ABCG1: variants seen among roughly 807,000 people sequenced by gnomAD.
The protein encoded by ABCG1 is ATP binding cassette subfamily G member 1.
ABCG1 carries 29 observed loss-of-function variants against 69.2 expected under a neutral mutation model. That is an observed-to-expected ratio of 0.42 (90% confidence interval 0.31 to 0.57). The LOEUF (loss-of-function observed/expected upper bound fraction) is 0.57, where lower values mean the gene tolerates loss of function less well. ABCG1 is among the 20% of genes least tolerant of loss of function. The probability of loss-of-function intolerance (pLI) is 0.15; values close to 1 mark genes in which losing one functional copy is unlikely to be tolerated. For synonymous variants in ABCG1, 370 were observed against 374.8 expected (o/e 0.99, Z 0.15); for missense variants, 718 against 898.1 (o/e 0.80, Z 2.56).
chr21:42,256,703 A>G, intron 2 of ABCG1: 1 of 1,430,576 alleles, frequency 7.0e-7, no homozygotes, highest in Middle Eastern at 2.6e-4. Flanking sequence ...CTGCATTCAG[A>G]GGGATCTGGG....
chr21:42,234,198 C>G (rs958151123), intron 2 of ABCG1, among the ~76,000 whole-genome samples: 13 of 152,110 alleles, frequency 8.5e-5, no homozygotes, highest in African/African-American at 3.1e-4. Context: ...GAGGGCCTGC[C>G]CAGGACCGCT....
intron 2 of ABCG1, among the ~76,000 whole-genome samples, chr21:42,231,131 T>C (rs538859503): frequency 2.0e-5 from 3 of 152,336 alleles, no homozygotes; most frequent in African/African-American, 7.2e-5. Context: ...TTCCTGTCCC[T>C]CTGGAGAGGC....
intron 1 of ABCG1, 88 bp from the exon 2 acceptor site, chr21:42,225,583 T>C (rs750159293): frequency 4.8e-5 from 73 of 1,515,464 alleles, no homozygotes; most frequent in Admixed American, 7.4e-5. Flanking sequence ...TAATAACCAA[T>C]GACCCTGAGC....
Position 42,290,155 on chromosome 21 carries a change from G to A in ABCG1, c.1330G>A (p.Gly444Ser), listed in dbSNP as rs779744242. Reference protein sequence around the residue: ...NEAKKVLSNSGFLFFSMLFLM... With the variant: ...NEAKKVLSNSSFLFFSMLFLM... ...AGCCAAGAAGGTCTTGAGCAACTCC[G>A]GCTTCCTCTTCTTCTCCATGCTGTT... The change falls in exon 11 of 15, where the codon GGC (glycine) becomes AGC (serine). Residue 444 changes from glycine (G) to serine (S), a missense_variant. Gly to Ser is a moderately conservative substitution (Grantham distance 56). Around this residue, in one of 2 missense-constraint regions of ABCG1, gnomAD observed 204 missense variants for 323.8 expected, o/e 0.63. Coordinates refer to ENST00000398449, the MANE Select transcript of ABCG1 (RefSeq NM_016818.3). 7 of 1,613,978 alleles carry A rather than the reference G, an allele frequency of 4.3e-6. No individual in the cohort carries two copies. The highest frequency in any genetic ancestry group is 5.9e-6 in the Non-Finnish European group (7 of 1,180,036).
chr21:42,264,744 G>A (rs1431027252), intron 2 of ABCG1, among the ~76,000 whole-genome samples: 1 of 151,986 alleles, frequency 6.6e-6, no homozygotes, highest in African/African-American at 2.4e-5. Flanking sequence ...AAGGAGGTGG[G>A]GGAGAGATGG....
intron 5 of ABCG1, among the ~76,000 whole-genome samples, chr21:42,279,474 C>G (rs747281957): frequency 6.6e-6 from 1 of 152,210 alleles, no homozygotes; most frequent in African/African-American, 2.4e-5. Flanking sequence ...TGGAACCCAC[C>G]GGATGGCCTT....
intron 2 of ABCG1, among the ~76,000 whole-genome samples, chr21:42,236,281 T>G (rs1319052576): frequency 6.6e-6 from 1 of 152,268 alleles, no homozygotes; most frequent in Non-Finnish European, 1.5e-5. Flanking sequence ...CAAGGACAGA[T>G]GACAGCTGAA....
upstream of ABCG1, among the ~76,000 whole-genome samples, chr21:42,217,913 G>A (rs374509986): frequency 3.9e-4 from 59 of 152,028 alleles, no homozygotes; most frequent in South Asian, 0.012. Context: ...GGATGGTCTC[G>A]ATCTCCTGAC....
rs150141603 is a variant in ABCG1, at chr21:42,290,124, G to T, written c.1299G>T (p.Gly433=). 1.2e-6 allele frequency: 2 copies of T among 1,614,192 alleles called. No individual in the cohort carries two copies. Among genetic ancestry groups the T allele is most frequent in the Non-Finnish European group, 1.7e-6 (2 of 1,180,042 alleles). ...LLIGLLYLGI[G]NEAKKVLSNS... Reference sequence around the variant, plus strand: ...TTGGCCTGCTGTACTTGGGGATCGGGAACGAAGCCAAGAAGGTCTTGAGCA... The same window carrying T: ...TTGGCCTGCTGTACTTGGGGATCGGTAACGAAGCCAAGAAGGTCTTGAGCA... The change falls in exon 11 of 15, where the codon GGG becomes GGT. Residue 433 remains glycine, a synonymous_variant. Coordinates refer to ENST00000398449, the MANE Select transcript of ABCG1 (RefSeq NM_016818.3).
intron 2 of ABCG1, among the ~76,000 whole-genome samples, chr21:42,210,855 C>T (rs977509981): frequency 2.0e-5 from 3 of 152,054 alleles, no homozygotes; most frequent in Admixed American, 6.5e-5. Context: ...CCAGAGGAAG[C>T]GAAGGAGCGT....
At chr21:42,260,824 A>G (rs112828935) in intron 2 of ABCG1, among the ~76,000 whole-genome samples, 208 of 146,948 alleles carry the variant, frequency 1.4e-3, no homozygotes, top group Non-Finnish European at 2.4e-3. Flanking sequence ...CCTCTCTCCC[A>G]TTTTCTTTTT....
At chr21:42,201,241 C>T (rs1442380100) in intron 1 of ABCG1, among the ~76,000 whole-genome samples, 1 of 152,078 alleles carries the variant, frequency 6.6e-6, no homozygotes, top group African/African-American at 2.4e-5. Flanking sequence ...CCAGCACGAG[C>T]ACCAGCACCT....
intron 3 of ABCG1, 83 bp downstream of exon 3, chr21:42,271,270 C>T: frequency 1.2e-6 from 1 of 864,684 alleles, no homozygotes. Flanking sequence ...TCCATCAGCC[C>T]CATCACCTGG....
chr21:42,265,347 C>T (rs907719066), intron 2 of ABCG1, among the ~76,000 whole-genome samples: 5 of 152,350 alleles, frequency 3.3e-5, no homozygotes, highest in Middle Eastern at 3.4e-3. Flanking sequence ...TGTGGCCTTA[C>T]TTGAAACAGA....
chr21:42,260,238 C>A (rs531387173), intron 2 of ABCG1: 71 of 1,527,530 alleles, frequency 4.6e-5, no homozygotes, highest in Non-Finnish European at 6.0e-5. Flanking sequence ...TGGCATTGGG[C>A]GGCAAGCATT....
At chr21:42,292,630 T>TACCACACTACACACAC (rs1601459646) in intron 13 of ABCG1, among the ~76,000 whole-genome samples, 23 of 100,408 alleles carry the variant, frequency 2.3e-4, no homozygotes, top group African/African-American at 8.9e-4. Context: ...ACTACACACA[T>TACCACACTACACACAC]ACCACACTAC....
chr21:42,277,909 C>A (rs946483511), intron 5 of ABCG1, among the ~76,000 whole-genome samples: 4 of 152,160 alleles, frequency 2.6e-5, no homozygotes, highest in African/African-American at 4.8e-5. Context: ...TAAATGTAAA[C>A]CACTTTGGTA....
At chr21:42,212,130 G>T (rs1265970221), upstream of ABCG1, among the ~76,000 whole-genome samples, 1 of 152,170 alleles carries the variant, frequency 6.6e-6, no homozygotes, top group Non-Finnish European at 1.5e-5. Context: ...GCCTCTAGAA[G>T]TGTGAACAAT....
intron 2 of ABCG1, chr21:42,256,079 A>C (rs1601400039): frequency 8.4e-7 from 1 of 1,189,394 alleles, no homozygotes. Context: ...CCAGGTGTGC[A>C]CCCTTTCTTT....
Sources: allele counts gnomAD v4.1 joint callset (sites outside exome capture counted in the v4.1 genomes callset), GRCh38; gene constraint gnomAD v4.1.1; regional missense constraint gnomAD v4.1.1; transcripts MANE v1.5; gene names NCBI Gene and HGNC (gene_info 2026-07-23, HGNC 2026-07-21).